The following NEBL variants were observed in gnomAD, a reference collection of about 807,000 sequenced individuals.
The protein encoded by NEBL is nebulette.
In NEBL, 122 loss-of-function variants were observed where a neutral mutation model predicts 140.2. The observed-to-expected ratio is 0.87, with a 90% confidence interval of 0.75 to 1.01. The LOEUF (loss-of-function observed/expected upper bound fraction) is 1.01. Ranked by LOEUF, NEBL falls within the 50% of genes least tolerant of loss-of-function variation. NEBL has a pLI of 0.00. For missense variants in NEBL, 1,365 were observed against 1,231.3 expected, an observed-to-expected ratio of 1.11 and a Z score of -1.62; for synonymous variants, 436 against 398.9, an observed-to-expected ratio of 1.09 and a Z score of -1.11.
chr10:20,859,655 C>A lies in NEBL; in HGVS notation c.798+58G>T, dbSNP rs4748729. ...ATCAGTAATTACAACACAGTCGATT[C>A]TAAAAAAAACAAGAATCAAAAGATT... On this transcript the variant is annotated intron_variant, in intron 8 of 27. Coordinates refer to ENST00000377122, the MANE Select transcript of NEBL (RefSeq NM_006393.3). 718,554 of 1,172,360 alleles carry A rather than the reference C, an allele frequency of 0.61. 224,329 individuals carry two copies. The highest frequency in any genetic ancestry group is 0.64 in the Non-Finnish European group (507,283 of 789,444). 72.6% of individuals were successfully genotyped at this position (1,172,360 alleles called of 1,614,324 possible).
Position 20,814,038 on chromosome 10 carries a change from T to C in NEBL, c.2247A>G (p.Lys749=). 6.3e-7 allele frequency: 1 copy of C among 1,579,528 alleles called. No homozygotes were observed. The highest frequency in any genetic ancestry group is 8.7e-7 in the Non-Finnish European group (1 of 1,148,762). Residue 749 remains lysine, a synonymous_variant, in exon 23 of 28, where the codon AAA becomes AAG. Transcript: ENST00000377122. ...KKNQENISSV[K]YTQDHKQMKG... is the part of the protein sequence containing the mutation. Reference sequence around the variant, plus strand: ...TCATCTGTTTATGGTCCTGGGTATATTTTACCTGCAAAGTAAATAGTAGGC... The same window carrying C: ...TCATCTGTTTATGGTCCTGGGTATACTTTACCTGCAAAGTAAATAGTAGGC...
intron 1 of NEBL, among the ~76,000 whole-genome samples, chr10:21,292,811 G>A (rs1183535685): frequency 6.6e-6 from 1 of 152,154 alleles, no homozygotes; most frequent in Non-Finnish European, 1.5e-5. Context: ...TAGAACATAA[G>A]AGAATCCGAA....
chr10:21,018,352 T>C (rs1838643387), intron 3 of NEBL, among the ~76,000 whole-genome samples: 1 of 152,130 alleles, frequency 6.6e-6, no homozygotes, highest in Non-Finnish European at 1.5e-5. Flanking sequence ...GAACCCTAAC[T>C]TGACGAGAAG....
intron 2 of NEBL, among the ~76,000 whole-genome samples, chr10:21,152,178 T>A (rs1031679144): frequency 1.2e-4 from 19 of 152,316 alleles, no homozygotes; most frequent in African/African-American, 3.8e-4. Context: ...AAGTCTGAGC[T>A]TACTTCCACC....
At chr10:21,156,870 A>T (rs538198605) in intron 2 of NEBL, among the ~76,000 whole-genome samples, 6 of 152,312 alleles carry the variant, frequency 3.9e-5, no homozygotes, top group Non-Finnish European at 7.4e-5. Context: ...GGTCACAATC[A>T]TGAGTTTTTC....
At chr10:20,792,895 G>T (rs1339458056) in intron 26 of NEBL, among the ~76,000 whole-genome samples, 1 of 151,938 alleles carries the variant, frequency 6.6e-6, no homozygotes, top group East Asian at 1.9e-4. Flanking sequence ...GGACCTTTCT[G>T]CTCAAATTGC....
intron 2 of NEBL, among the ~76,000 whole-genome samples, chr10:21,059,906 G>A (rs749806776): frequency 1.3e-5 from 2 of 152,088 alleles, no homozygotes; most frequent in African/African-American, 2.4e-5. Flanking sequence ...TCCTTCTTTG[G>A]GAAGGTTTCA....
intron 2 of NEBL, among the ~76,000 whole-genome samples, chr10:21,097,741 C>T (rs563111303): frequency 6.6e-6 from 1 of 152,266 alleles, no homozygotes; most frequent in Admixed American, 6.5e-5. Context: ...ATGCAAGCTA[C>T]CCAAAGCAAC....
Position 20,828,591 on chromosome 10 carries a change from G to C in NEBL, c.1715C>G (p.Ser572Cys). Residue 572 changes from serine to cysteine, a missense_variant, in exon 17 of 28, where the codon TCT (serine) becomes TGT (cysteine). Physicochemically the swap from Ser to Cys is moderately radical, Grantham distance 112. Around this residue, in one of 2 missense-constraint regions of NEBL, gnomAD observed 1,323 missense variants for 1,154.8 expected, o/e 1.15. Transcript: ENST00000377122. ...AATTTCAGGAGTATCTGCTATGGTA[G>C]AATAGTTAGAAAGCATCTTCTCTGC... ...DEAEKMLSNY[S>C]TIADTPEIQR... is the part of the protein sequence containing the mutation. 1 of 1,594,214 alleles carries C rather than the reference G, an allele frequency of 6.3e-7. No individual in the cohort carries two copies. Among genetic ancestry groups the C allele is most frequent in the South Asian group, 1.1e-5 (1 of 90,610 alleles).
At chr10:21,200,922 C>A (rs1372150470) in intron 3 of NEBL, among the ~76,000 whole-genome samples, 3 of 151,670 alleles carry the variant, frequency 2.0e-5, no homozygotes, top group African/African-American at 7.3e-5. Context: ...AGAGATATCC[C>A]GTCTAAAAAA....
chr10:20,977,496 T>G (rs1417214888), intron 3 of NEBL, among the ~76,000 whole-genome samples: 1 of 151,830 alleles, frequency 6.6e-6, no homozygotes, highest in Admixed American at 6.6e-5. Flanking sequence ...CACAAAGAGC[T>G]GAAAGGCTGG....
intron 14 of NEBL, among the ~76,000 whole-genome samples, chr10:20,834,235 C>T (rs1202608777): frequency 1.3e-5 from 2 of 151,966 alleles, no homozygotes; most frequent in African/African-American, 4.8e-5. Flanking sequence ...TTTTTTAAGT[C>T]GCTGTGTGTA....
intron 24 of NEBL, among the ~76,000 whole-genome samples, chr10:20,811,894 T>C (rs1182025026): frequency 6.6e-6 from 1 of 152,138 alleles, no homozygotes; most frequent in African/African-American, 2.4e-5. Flanking sequence ...ATAATCATCC[T>C]TCCTAGCCCT....
intron 3 of NEBL, among the ~76,000 whole-genome samples, chr10:21,245,620 CTCCTGGGT>C (rs1434854091): frequency 2.0e-5 from 3 of 152,186 alleles, no homozygotes; most frequent in Non-Finnish European, 2.9e-5. Flanking sequence ...CAACCTCCAC[CTCCTGGGT>C]TCAAGTGATT....
intron 21 of NEBL, among the ~76,000 whole-genome samples, chr10:20,816,110 G>A (rs1322083504): frequency 2.0e-5 from 3 of 152,084 alleles, no homozygotes; most frequent in African/African-American, 7.2e-5. Flanking sequence ...AGTTTTGTAG[G>A]AAACTACAAA....
At chr10:20,962,440 C>T (rs548754055) in intron 3 of NEBL, among the ~76,000 whole-genome samples, 2 of 152,370 alleles carry the variant, frequency 1.3e-5, no homozygotes, top group African/African-American at 4.8e-5. Flanking sequence ...TAAAAAGCTG[C>T]TCACACATGC....
chr10:21,059,729 G>A (rs1293637077), intron 2 of NEBL, among the ~76,000 whole-genome samples: 1 of 152,108 alleles, frequency 6.6e-6, no homozygotes, highest in East Asian at 1.9e-4. Flanking sequence ...TGTAACATTA[G>A]GAAAATTAAA....
rs545023507 is a variant in NEBL, at chr10:21,065,268, TCA to T, written c.165-45069_165-45068del. 2.5e-4 allele frequency among the ~76,000 whole-genome samples: 38 copies of T among 152,344 alleles called. 1 individual carries two copies. The East Asian group carries it at 6.2e-3, about 25-fold the overall frequency. On this transcript the variant is annotated intron_variant, in intron 2 of 6. Coordinates refer to the NEBL transcript ENST00000417816. Reference sequence around the variant, plus strand: ...TTTTGTATTTAAGTCATGAGCTTGATCACAGTTTTCTGATGAACACACTTTGT... The same window carrying T: ...TTTTGTATTTAAGTCATGAGCTTGATCAGTTTTCTGATGAACACACTTTGT...
chr10:20,995,148 T>C (rs969592902), intron 3 of NEBL, among the ~76,000 whole-genome samples: 8 of 151,950 alleles, frequency 5.3e-5, no homozygotes, highest in African/African-American at 1.9e-4. Context: ...CAGGGAAAAA[T>C]GCCAAGGGAA....
Sources: gnomAD v4.1 joint callset for allele counts (sites outside exome capture counted in the v4.1 genomes callset) on GRCh38, gnomAD v4.1.1 for gene constraint, gnomAD v4.1.1 regional missense constraint, MANE v1.5 for transcripts, NCBI Gene and HGNC (gene_info 2026-07-23, HGNC 2026-07-21) for gene names.